The following WDR35 variants were observed in gnomAD, a reference collection of about 807,000 sequenced individuals.
The protein encoded by WDR35 is WD repeat-containing protein 35.
A neutral mutation model predicts 158.3 loss-of-function variants in WDR35; 118 were observed. The observed-to-expected ratio is 0.75, with a 90% confidence interval of 0.64 to 0.87. The LOEUF (loss-of-function observed/expected upper bound fraction) is 0.87, where lower values mean the gene tolerates loss of function less well. WDR35 is among the 40% of genes least tolerant of loss of function. WDR35 has a pLI of 0.00. For synonymous variants in WDR35, 448 were observed against 476.1 expected (o/e 0.94, Z 0.77); for missense variants, 1,263 against 1,405.8 (o/e 0.90, Z 1.62).
intron 3 of WDR35, among the ~76,000 whole-genome samples, chr2:19,981,659 G>A (rs538432684): frequency 2.6e-5 from 4 of 151,962 alleles, no homozygotes; most frequent in African/African-American, 7.3e-5. Flanking sequence ...TGGGGACTAC[G>A]GGCACACAGC....
chr2:19,917,199 C>A (rs965699242), intron 25 of WDR35, among the ~76,000 whole-genome samples: 1 of 152,162 alleles, frequency 6.6e-6, no homozygotes, highest in Non-Finnish European at 1.5e-5. Context: ...AGTATCAACA[C>A]CAACAAAAAG....
chr2:19,926,718 C>A (rs1670365096), intron 25 of WDR35, among the ~76,000 whole-genome samples: 1 of 152,182 alleles, frequency 6.6e-6, no homozygotes, highest in Non-Finnish European at 1.5e-5. Context: ...AGAAGCAGAA[C>A]AACTAGTTTG....
chr2:19,914,035 ACC>A lies in WDR35; in HGVS notation c.3362_3362+1del. 1 of 1,613,970 alleles carries A rather than the reference ACC, an allele frequency of 6.2e-7. No homozygotes were observed. Among genetic ancestry groups the A allele is most frequent in the East Asian group, 2.2e-5 (1 of 44,872 alleles). ...GGCATCCACTAATTAAAATTAGCCT[ACC>A]CTTCCATAAGGCTGTCCAATTCAGG... On this transcript the variant is annotated splice_donor_variant and coding_sequence_variant, in exon 26 of 27. Coordinates refer to ENST00000281405, the MANE Select transcript of WDR35 (RefSeq NM_020779.4). LOFTEE classifies it high-confidence loss of function.
intron 5 of WDR35, among the ~76,000 whole-genome samples, chr2:19,976,450 T>C (rs145047192): frequency 1.8e-3 from 269 of 152,280 alleles, no homozygotes; most frequent in Non-Finnish European, 2.4e-3. Context: ...GTTATGGTTA[T>C]ATACTAATAG....
chr2:19,937,242 G>C (rs1670724333), intron 19 of WDR35, among the ~76,000 whole-genome samples: 1 of 152,188 alleles, frequency 6.6e-6, no homozygotes, highest in South Asian at 2.1e-4. Flanking sequence ...CCTGGCCAGG[G>C]AGACAGGCCT....
At chr2:19,919,237 C>T (rs1166470210) in intron 25 of WDR35, among the ~76,000 whole-genome samples, 1 of 151,690 alleles carries the variant, frequency 6.6e-6, no homozygotes, top group Non-Finnish European at 1.5e-5. Context: ...AAAATTTAGC[C>T]AGGCATGGTG....
At chr2:19,921,983 G>A (rs904043241) in intron 25 of WDR35, among the ~76,000 whole-genome samples, 2 of 152,180 alleles carry the variant, frequency 1.3e-5, no homozygotes, top group Non-Finnish European at 2.9e-5. Flanking sequence ...CATCATCACT[G>A]GTCATTAGAG....
At chr2:19,953,687 TA>T in intron 12 of WDR35, 146 bp downstream of exon 12, 1 of 1,075,116 alleles carries the variant, frequency 9.3e-7, no homozygotes, top group Non-Finnish European at 1.3e-6. Context: ...TTTAAACACA[TA>T]AATTTTAAAG....
At chr2:19,940,189 CAAAAA>C (rs1197342596) in intron 17 of WDR35, among the ~76,000 whole-genome samples, 90 of 80,222 alleles carry the variant, frequency 1.1e-3, no homozygotes, top group African/African-American at 3.3e-3. Context: ...CCCATCTCTA[CAAAAA>C]AAAAAAAAAA....
chr2:19,966,729 G>A lies in WDR35; in HGVS notation c.1189C>T (p.Pro397Ser), dbSNP rs776905427. 12 of 1,613,600 alleles carry A rather than the reference G, an allele frequency of 7.4e-6. No individual in the cohort carries two copies. Among genetic ancestry groups the A allele is most frequent in the African/African-American group, 1.3e-5 (1 of 74,926 alleles). ...ILATKADENH[P>S]QFVLVLCNSI... Reference sequence around the variant, plus strand: ...AGATATCAAGAAACACCTACCTGAGGATGATTTTCATCAGCTTTTGTAGCC... The same window carrying A: ...AGATATCAAGAAACACCTACCTGAGAATGATTTTCATCAGCTTTTGTAGCC... The change falls in exon 10 of 27, where the codon CCT becomes TCT. Residue 397 changes from proline (P) to serine (S), a missense_variant. By Grantham distance (74) the Pro-to-Ser change is moderately conservative. Coordinates refer to ENST00000281405, the MANE Select transcript of WDR35 (RefSeq NM_020779.4).
chr2:19,915,097 CTT>C (rs1454911084), intron 25 of WDR35, among the ~76,000 whole-genome samples: 1 of 151,942 alleles, frequency 6.6e-6, no homozygotes, highest in South Asian at 2.1e-4. Context: ...AAAAAGCAGA[CTT>C]AATATTAGAT....
chr2:19,956,591 C>T lies in WDR35; in HGVS notation c.1256-2613G>A, dbSNP rs144876573. On this transcript the variant is annotated intron_variant, in intron 11 of 26. Transcript: ENST00000281405. Reference sequence around the variant, plus strand: ...TATAAATTATAGCATAGCACAGTGCCTGGCATAGAGTACACGCTTAATAAT... The same window carrying T: ...TATAAATTATAGCATAGCACAGTGCTTGGCATAGAGTACACGCTTAATAAT... Among the ~76,000 whole-genome samples the T allele has an allele frequency of 6.3e-4, 95 of 151,278 alleles. No homozygotes were observed. In the South Asian group the frequency reaches 0.016, roughly 25 times the overall value.
chr2:19,920,120 G>A (rs1008003551), intron 25 of WDR35, among the ~76,000 whole-genome samples: 23 of 152,334 alleles, frequency 1.5e-4, no homozygotes, highest in African/African-American at 5.1e-4. Context: ...TCCAGGACCA[G>A]ACGGATTCAC....
At chr2:19,919,785 T>G (rs912631148) in intron 25 of WDR35, among the ~76,000 whole-genome samples, 7 of 152,010 alleles carry the variant, frequency 4.6e-5, no homozygotes, top group African/African-American at 1.5e-4. Flanking sequence ...AAAAAATCAA[T>G]GAATCCAGGA....
chr2:19,978,702 AC>A, intron 5 of WDR35, 48 bp downstream of exon 5: 1 of 1,612,272 alleles, frequency 6.2e-7, no homozygotes. Flanking sequence ...AAAGAAGAAA[AC>A]TGTCAGCCAG....
At chr2:19,974,410 A>T (rs1470123180) in intron 7 of WDR35, 58 bp downstream of exon 7, 1 of 1,479,444 alleles carries the variant, frequency 6.8e-7, no homozygotes, top group Non-Finnish European at 9.1e-7. Context: ...CTCCATCTCA[A>T]AAAGAAAAAA....
intron 10 of WDR35, among the ~76,000 whole-genome samples, chr2:19,960,914 G>A (rs1047068883): frequency 2.5e-4 from 38 of 152,114 alleles, no homozygotes; most frequent in African/African-American, 8.9e-4. Context: ...TATACAAGGG[G>A]TCTTCAAAAA....
intron 10 of WDR35, 113 bp from the exon 11 acceptor site, chr2:19,960,727 A>T (rs1671621993): frequency 1.3e-6 from 1 of 775,312 alleles, no homozygotes; most frequent in Non-Finnish European, 2.1e-6. Flanking sequence ...ACTGGGAAAT[A>T]ACTGATGAAA....
chr2:19,960,512 A>G, intron 11 of WDR35, 42 bp downstream of exon 11: 1 of 1,516,454 alleles, frequency 6.6e-7, no homozygotes, highest in Non-Finnish European at 9.1e-7. Context: ...TGTTACAAAT[A>G]AAACCTGATT....
Sources: gnomAD v4.1 joint callset for allele counts (sites outside exome capture counted in the v4.1 genomes callset) on GRCh38, gnomAD v4.1.1 for gene constraint, MANE v1.5 for transcripts, NCBI Gene and HGNC (gene_info 2026-07-23, HGNC 2026-07-21) for gene names.